CACNB2: variants seen among roughly 807,000 people sequenced by gnomAD.
CACNB2 encodes calcium voltage-gated channel auxiliary subunit beta 2, also known as voltage-dependent L-type calcium channel subunit beta-2.
In CACNB2, 42 loss-of-function variants were observed where a neutral mutation model predicts 73.3. The observed-to-expected ratio is 0.57, with a 90% CI of 0.45 to 0.74. The LOEUF (loss-of-function observed/expected upper bound fraction) is 0.74. Ranked by LOEUF, CACNB2 falls within the 30% of genes least tolerant of loss-of-function variation. The probability of loss-of-function intolerance (pLI) is 0.00; values close to 1 mark genes in which losing one functional copy is unlikely to be tolerated. For missense variants in CACNB2, 940 were observed against 853.0 expected (o/e 1.10, Z -1.27); for synonymous variants, 348 against 310.3 (o/e 1.12, Z -1.28).
chr10:18,203,298 T>A (rs948407716), intron 2 of CACNB2, among the ~76,000 whole-genome samples: 1 of 152,182 alleles, frequency 6.6e-6, no homozygotes, highest in Non-Finnish European at 1.5e-5. Flanking sequence ...CATGGCAACT[T>A]TACAAGCCGG....
intron 3 of CACNB2, among the ~76,000 whole-genome samples, chr10:18,462,318 A>T (rs946473206): frequency 6.6e-6 from 1 of 152,194 alleles, no homozygotes; most frequent in African/African-American, 2.4e-5. Flanking sequence ...CAGTGGTACA[A>T]TCCGCAGCTC....
intron 3 of CACNB2, among the ~76,000 whole-genome samples, chr10:18,448,045 G>A (rs11014267): frequency 0.26 from 39,234 of 151,944 alleles, 5,783 homozygotes; most frequent in Middle Eastern, 0.41. Flanking sequence ...AGGCTGGAGC[G>A]TAGTGGTACA....
At chr10:18,536,243 C>CTTTTCTTTTTTTTTTTTTTTTT (rs1327787339) in intron 12 of CACNB2, 47 bp downstream of exon 12, 10 of 283,208 alleles carry the variant, frequency 3.5e-5, no homozygotes, top group Admixed American at 7.2e-5. Context: ...GAGATCAGAC[C>CTTTTCTTTTTTTTTTTTTTTTT]TTTTTTTTTT....
At chr10:18,401,833 A>G in intron 2 of CACNB2, 91 bp from the exon 3 acceptor site, 1 of 1,277,806 alleles carries the variant, frequency 7.8e-7, no homozygotes, top group Non-Finnish European at 1.1e-6. Context: ...GTATAGAACA[A>G]TCCGGGAAGC....
At chr10:18,451,422 C>A (rs1275010808) in intron 3 of CACNB2, among the ~76,000 whole-genome samples, 1 of 152,144 alleles carries the variant, frequency 6.6e-6, no homozygotes, top group Non-Finnish European at 1.5e-5. Context: ...TCATTGCAGT[C>A]ATGGATAGAG....
intron 2 of CACNB2, among the ~76,000 whole-genome samples, chr10:18,276,281 A>G (rs547690896): frequency 4.0e-4 from 61 of 152,342 alleles, no homozygotes; most frequent in African/African-American, 1.3e-3. Flanking sequence ...GGAAACGTCA[A>G]TCGTGTACTT....
chr10:18,409,201 A>G (rs1158700435), intron 3 of CACNB2, among the ~76,000 whole-genome samples: 1 of 152,046 alleles, frequency 6.6e-6, no homozygotes, highest in African/African-American at 2.4e-5. Flanking sequence ...CCAGAGGCTG[A>G]AGCAGGAGAA....
At chr10:18,286,932 C>T (rs557539436) in intron 2 of CACNB2, among the ~76,000 whole-genome samples, 3 of 152,254 alleles carry the variant, frequency 2.0e-5, no homozygotes, top group South Asian at 2.1e-4. Flanking sequence ...ATAGGGTCCA[C>T]GATCTCCAAG....
At chr10:18,477,467 G>A (rs550974118) in intron 3 of CACNB2, among the ~76,000 whole-genome samples, 30 of 152,280 alleles carry the variant, frequency 2.0e-4, no homozygotes, top group Non-Finnish European at 3.7e-4. Flanking sequence ...CTGACAGCTG[G>A]ACTCATCCAA....
intron 3 of CACNB2, among the ~76,000 whole-genome samples, chr10:18,484,875 C>T (rs1156946050): frequency 6.6e-6 from 1 of 152,144 alleles, no homozygotes; most frequent in Non-Finnish European, 1.5e-5. Flanking sequence ...AAAATCCTGG[C>T]TGGGCGCGAT....
At chr10:18,430,684 A>T (rs1157188137) in intron 3 of CACNB2, among the ~76,000 whole-genome samples, 2 of 152,220 alleles carry the variant, frequency 1.3e-5, no homozygotes, top group African/African-American at 4.8e-5. Context: ...ATGTCTCAAC[A>T]TAGGACTGGG....
intron 2 of CACNB2, among the ~76,000 whole-genome samples, chr10:18,279,018 C>CA (rs1482621649): frequency 8.6e-5 from 13 of 150,948 alleles, no homozygotes; most frequent in African/African-American, 1.9e-4. Context: ...TCCTGTCTTA[C>CA]AAAAAAAAAT....
chr10:18,209,838 A>G (rs1386456447), intron 2 of CACNB2, among the ~76,000 whole-genome samples: 1 of 152,214 alleles, frequency 6.6e-6, no homozygotes, highest in Admixed American at 6.5e-5. Flanking sequence ...AACCAAACGT[A>G]GTCCAAAAAA....
At chr10:18,375,703 A>G (rs1044777312) in intron 2 of CACNB2, among the ~76,000 whole-genome samples, 3 of 152,208 alleles carry the variant, frequency 2.0e-5, no homozygotes, top group Non-Finnish European at 1.5e-5. Flanking sequence ...TTATTCATAC[A>G]TCTGAAGCCC....
intron 2 of CACNB2, among the ~76,000 whole-genome samples, chr10:18,160,140 A>C (rs1350619852): frequency 2.0e-5 from 3 of 151,592 alleles, no homozygotes; most frequent in Non-Finnish European, 4.4e-5. Flanking sequence ...TTCAACATAT[A>C]ATTAATTTTA....
intron 3 of CACNB2, among the ~76,000 whole-genome samples, chr10:18,409,028 A>T (rs768674947): frequency 1.3e-5 from 2 of 149,258 alleles, no homozygotes; most frequent in East Asian, 4.0e-4. Context: ...AACATTTTTT[A>T]AAATTTTTTT....
intron 9 of CACNB2, chr10:18,519,618 G>A (rs982629476): frequency 5.3e-5 from 23 of 435,656 alleles, no homozygotes; most frequent in Admixed American, 4.5e-4. Flanking sequence ...AGTATTTCCT[G>A]TTCTAATGGA....
chr10:18,189,271 T>C (rs1015603622), intron 2 of CACNB2, among the ~76,000 whole-genome samples: 1 of 152,204 alleles, frequency 6.6e-6, no homozygotes, highest in African/African-American at 2.4e-5. Context: ...GAACGTGTCA[T>C]TAAAAATAGC....
chr10:18,261,211 A>G (rs2037521659), intron 2 of CACNB2: 1 of 1,550,118 alleles, frequency 6.5e-7, no homozygotes, highest in Non-Finnish European at 8.7e-7. Context: ...TGTGACGAGA[A>G]GACAAGGCAC....
Sources: gnomAD v4.1 joint callset for allele counts (sites outside exome capture counted in the v4.1 genomes callset) on GRCh38, gnomAD v4.1.1 for gene constraint, MANE v1.5 for transcripts, NCBI Gene and HGNC (gene_info 2026-07-23, HGNC 2026-07-21) for gene names.